The following ZNF25 variants were observed in gnomAD, a reference collection of about 807,000 sequenced individuals.
The protein encoded by ZNF25 is zinc finger protein 25.
Under a neutral mutation model 30.9 loss-of-function variants are expected in ZNF25, and 21 were observed. That is an observed-to-expected ratio of 0.68 (90% CI 0.48 to 0.98). The LOEUF (loss-of-function observed/expected upper bound fraction) is 0.98. ZNF25 is among the 50% of genes least tolerant of loss of function. ZNF25 has a pLI of 0.00. For synonymous variants in ZNF25, 169 were observed against 181.3 expected (o/e 0.93, Z 0.55); for missense variants, 501 against 529.9 (o/e 0.95, Z 0.54).
At chr10:37,968,866 G>A (rs538065906) in intron 2 of ZNF25, among the ~76,000 whole-genome samples, 3 of 152,124 alleles carry the variant, frequency 2.0e-5, no homozygotes, top group Admixed American at 6.5e-5. Context: ...TTTTGCACAC[G>A]TGGGTTCTGA....
chr10:37,965,728 G>A (rs1240236899), intron 2 of ZNF25, among the ~76,000 whole-genome samples: 1 of 152,086 alleles, frequency 6.6e-6, no homozygotes, highest in Non-Finnish European at 1.5e-5. Flanking sequence ...AACTATATAG[G>A]TACATAGAAA....
chr10:37,958,749 C>CA (rs554018008), intron 2 of ZNF25, among the ~76,000 whole-genome samples: 7,577 of 143,418 alleles, frequency 0.053, 256 homozygotes, highest in Middle Eastern at 0.073. Flanking sequence ...AAGACTCTAT[C>CA]AAAAAAAAAA....
Position 37,953,800 on chromosome 10 carries a change from C to T in ZNF25, c.239-42G>A, listed in dbSNP as rs778982187. On this transcript the variant is annotated intron_variant, in intron 4 of 5. Coordinates refer to ENST00000302609, the MANE Select transcript of ZNF25 (RefSeq NM_145011.4). ...AATGTAATACTTTATAAATACTACA[C>T]ATTAATATTGTCATAGCATTGATTC... The T allele has an allele frequency of 5.7e-5, 87 of 1,513,124 alleles. No homozygotes were observed. The Admixed American group carries it at 1.4e-3, about 24-fold the overall frequency. The allele number at this position is 1,513,124 out of a possible 1,614,324, so 93.7% of individuals were successfully genotyped here. A position where few individuals can be genotyped will look rare whatever the true frequency, so the allele number is the denominator to read the frequency against.
At chr10:37,954,501 A>T (rs1256215403) in intron 4 of ZNF25, among the ~76,000 whole-genome samples, 1 of 152,128 alleles carries the variant, frequency 6.6e-6, no homozygotes, top group Non-Finnish European at 1.5e-5. Flanking sequence ...TACAAGGATG[A>T]ATTCCTAGTT....
At chr10:37,962,955 G>C (rs1229000132) in intron 2 of ZNF25, among the ~76,000 whole-genome samples, 2 of 151,826 alleles carry the variant, frequency 1.3e-5, no homozygotes, top group Non-Finnish European at 2.9e-5. Context: ...GATTTCCTGA[G>C]AAATGGTGAC....
At chr10:37,953,552 A>G (rs2062314809) in intron 5 of ZNF25, 143 bp downstream of exon 5, 1 of 761,180 alleles carries the variant, frequency 1.3e-6, no homozygotes. Flanking sequence ...GGGCAGTCCC[A>G]TTTGGATTAT....
chr10:37,960,851 C>T (rs552524830), intron 2 of ZNF25, among the ~76,000 whole-genome samples: 1 of 152,160 alleles, frequency 6.6e-6, no homozygotes, highest in Admixed American at 6.5e-5. Context: ...CACACAAGCA[C>T]AGCAAAGGAG....
chr10:37,964,257 G>A (rs183753976), intron 2 of ZNF25, among the ~76,000 whole-genome samples: 1 of 152,262 alleles, frequency 6.6e-6, no homozygotes, highest in East Asian at 1.9e-4. Context: ...AGGTACTGAG[G>A]AGTAGAGCAT....
At chr10:37,964,395 A>T (rs1272254974) in intron 2 of ZNF25, among the ~76,000 whole-genome samples, 1 of 152,210 alleles carries the variant, frequency 6.6e-6, no homozygotes, top group Non-Finnish European at 1.5e-5. Flanking sequence ...TAAGAGACGG[A>T]TTAAATGGTC....
chr10:37,965,617 G>A (rs2063139409), intron 2 of ZNF25, among the ~76,000 whole-genome samples: 1 of 152,108 alleles, frequency 6.6e-6, no homozygotes, highest in Non-Finnish European at 1.5e-5. Flanking sequence ...TAGTAGACCT[G>A]CCTTATAAGA....
chr10:37,964,480 A>T (rs991569451), intron 2 of ZNF25, among the ~76,000 whole-genome samples: 6 of 152,180 alleles, frequency 3.9e-5, no homozygotes, highest in Non-Finnish European at 8.8e-5. Context: ...TGAGGAATGT[A>T]TTGGAAACCG....
intron 1 of ZNF25, among the ~76,000 whole-genome samples, chr10:37,976,202 T>C (rs1160979743): frequency 2.6e-5 from 4 of 152,232 alleles, no homozygotes; most frequent in Non-Finnish European, 5.9e-5. Context: ...CCCACGTCCC[T>C]GCGGCTTTGG....
chr10:37,961,264 T>C (rs1359704829), intron 2 of ZNF25, among the ~76,000 whole-genome samples: 1 of 152,212 alleles, frequency 6.6e-6, no homozygotes, highest in African/African-American at 2.4e-5. Context: ...GAAATACATC[T>C]GTATTTTTTT....
intron 2 of ZNF25, 47 bp from the exon 3 acceptor site, chr10:37,957,593 G>T (rs2062613857): frequency 1.3e-6 from 2 of 1,580,038 alleles, no homozygotes; most frequent in Non-Finnish European, 1.7e-6. Flanking sequence ...AGAATAGATT[G>T]CATACCATTG....
chr10:37,960,389 C>T (rs958324394), intron 2 of ZNF25, among the ~76,000 whole-genome samples: 13 of 146,134 alleles, frequency 8.9e-5, no homozygotes, highest in East Asian at 4.0e-4. Context: ...CTGAGGCGGG[C>T]GGATCACGAG....
At position 37,950,464 on chromosome 10, in the gene ZNF25, G is replaced by T. The variant is rs1210748499; in HGVS notation, c.*1663C>A. The T allele has an allele frequency of 6.6e-6, 1 of 152,512 alleles. No individual in the cohort carries two copies. The highest frequency in any genetic ancestry group is 1.5e-5 in the Non-Finnish European group (1 of 68,038). The allele number at this position is 152,512 out of a possible 1,614,324, so 9.4% of individuals were successfully genotyped here. Reference sequence around the variant, plus strand: ...GTCAAACCCTGACTTAGTGTAGTCAGGATCTGCCCCTAAATCACTTGTAGG... The same window carrying T: ...GTCAAACCCTGACTTAGTGTAGTCATGATCTGCCCCTAAATCACTTGTAGG... On this transcript the variant is annotated 3_prime_UTR_variant, in exon 6 of 6. Transcript: ENST00000302609.
intron 2 of ZNF25, among the ~76,000 whole-genome samples, chr10:37,958,540 C>A (rs1374608550): frequency 2.6e-5 from 4 of 152,140 alleles, no homozygotes; most frequent in East Asian, 3.8e-4. Context: ...TCTTTTGGAC[C>A]AGTAAAATAT....
In ZNF25 at chr10:37,952,483, C is replaced by A. The variant is rs766239198; in HGVS notation, c.1015G>T (p.Glu339Ter). 6.2e-7 allele frequency: 1 copy of A among 1,614,018 alleles called. No homozygotes were observed. Among genetic ancestry groups the A allele is most frequent in the Non-Finnish European group, 8.5e-7 (1 of 1,179,998 alleles). The change falls in exon 6 of 6, where the codon GAG (glutamate) becomes TAG (stop). Residue 339 changes from glutamate to a stop codon, truncating the protein, a stop_gained. Coordinates refer to ENST00000302609, the MANE Select transcript of ZNF25 (RefSeq NM_145011.4). LOFTEE classifies it high-confidence loss of function. ...LTVHQRTHTG[E>*]KPFECNKCGK... ...CATTTATTACATTCAAAGGGTTTCT[C>A]CCCTGTGTGAGTTCGCTGATGTACT...
In ZNF25 at chr10:37,953,145, C is replaced by T. The variant is rs1273694593; in HGVS notation, c.353G>A (p.Cys118Tyr). Residue 118 changes from cysteine (C) to tyrosine (Y), a missense_variant, in exon 6 of 6, where the codon TGT becomes TAT. Coordinates refer to ENST00000302609, the MANE Select transcript of ZNF25 (RefSeq NM_145011.4). The stretch of plus-strand genomic sequence containing the variant: ...GAACTTCCCACATTCCTTACATTCA[C>T]AGGCTTTCTCTGTGGTATGAGTTTT... ...HQKTHTTEKA[C>Y]ECKECGKFFC... 5 of 1,604,840 alleles carry T rather than the reference C, an allele frequency of 3.1e-6. No individual in the cohort carries two copies. In the East Asian group the frequency reaches 8.9e-5, roughly 29 times the overall value.
Sources: gnomAD v4.1 joint callset for allele counts (sites outside exome capture counted in the v4.1 genomes callset) on GRCh38, gnomAD v4.1.1 for gene constraint, MANE v1.5 for transcripts, NCBI Gene and HGNC (gene_info 2026-07-23, HGNC 2026-07-21) for gene names.